MYB: variants seen among roughly 807,000 people sequenced by gnomAD.
MYB encodes MYB proto-oncogene, transcription factor.
A neutral mutation model predicts 92.9 loss-of-function variants in MYB; 28 were observed. The ratio of observed to expected loss-of-function variants is 0.30; its 90% confidence interval spans 0.22 to 0.41. The LOEUF is 0.41. Among genes scored for constraint, MYB ranks in the 10% least tolerant of loss-of-function variants. The pLI is 1.00. For synonymous variants in MYB, 295 were observed against 329.1 expected, an observed-to-expected ratio of 0.90 and a Z score of 1.12; for missense variants, 679 against 929.3, an observed-to-expected ratio of 0.73 and a Z score of 3.50.
chr6:135,191,341 T>G (rs1776601594), intron 5 of MYB, among the ~76,000 whole-genome samples: 1 of 152,200 alleles, frequency 6.6e-6, no homozygotes, highest in Non-Finnish European at 1.5e-5. Context: ...AAGCAATACT[T>G]TTAATGATAA....
chr6:135,196,764 GC>G (rs1474490032), intron 9 of MYB, 196 bp from the exon 10 acceptor site: 1 of 1,529,358 alleles, frequency 6.5e-7, no homozygotes, highest in Admixed American at 2.0e-5. Context: ...ACATCAGAGG[GC>G]CAGCCTTGAG....
chr6:135,187,505 C>T (rs1024416497), intron 2 of MYB, among the ~76,000 whole-genome samples: 1 of 152,074 alleles, frequency 6.6e-6, no homozygotes, highest in Non-Finnish European at 1.5e-5. Context: ...CCCAAATAAC[C>T]CTGTTAATAT....
intron 14 of MYB, 73 bp from the exon 15 acceptor site, chr6:135,203,144 C>G: frequency 9.1e-7 from 1 of 1,096,758 alleles, no homozygotes; most frequent in Non-Finnish European, 1.4e-6. Flanking sequence ...ATCTACTCTC[C>G]ACAGTGTTAG....
In MYB at chr6:135,190,495, A is replaced by T; in HGVS notation, c.527+148A>T. 1.4e-6 allele frequency: 1 copy of T among 690,864 alleles called. No individual in the cohort carries two copies. The highest frequency in any genetic ancestry group is 2.0e-5 in the South Asian group (1 of 51,138). 42.8% of individuals were successfully genotyped at this position (690,864 alleles called of 1,614,324 possible). On this transcript the variant is annotated intron_variant, in intron 5 of 15. Coordinates refer to ENST00000341911, the MANE Select transcript of MYB (RefSeq NM_001130173.2). The surrounding 1 kb of genome is among the most constrained non-coding windows in gnomAD (Gnocchi z 4.5). ...CCAGCTACATAGCTTTTAGAGATTG[A>T]AGACATCTTAGAGTTTATTTGGTTG... is the stretch of plus-strand genomic sequence containing the variant.
intron 3 of MYB, among the ~76,000 whole-genome samples, chr6:135,188,403 G>A (rs1046124514): frequency 6.6e-6 from 1 of 151,724 alleles, no homozygotes; most frequent in African/African-American, 2.4e-5. Context: ...TCTCATGGCT[G>A]TGCTGAAGGT....
Position 135,195,865 on chromosome 6 carries a change from T to C in MYB, c.1066T>C (p.Ser356Pro), listed in dbSNP as rs972074114. The change falls in exon 9 of 16, where the codon TCT (serine) becomes CCT (proline). Residue 356 changes from serine to proline, a missense_variant. Ser to Pro is a moderately conservative substitution (Grantham distance 74). Transcript: ENST00000341911. ...SCLGEHHSTP[S>P]LPADPGSLPE... is the part of the protein sequence containing the mutation. ...TTTGGGAGAACACCACTCCACTCCA[T>C]CTCTGCCAGCGGATCCTGGCTCCCT... 4 of 1,613,954 alleles carry C rather than the reference T, an allele frequency of 2.5e-6. No individual in the cohort carries two copies. Among genetic ancestry groups the C allele is most frequent in the Non-Finnish European group, 3.4e-6 (4 of 1,180,020 alleles).
intron 15 of MYB, among the ~76,000 whole-genome samples, chr6:135,215,959 T>G (rs1015067779): frequency 4.6e-5 from 7 of 152,204 alleles, no homozygotes; most frequent in Non-Finnish European, 1.0e-4. Flanking sequence ...CTTATTCTTT[T>G]GTCCCATGGA....
At chr6:135,206,529 T>G (rs962844626) in intron 15 of MYB, among the ~76,000 whole-genome samples, 1 of 151,040 alleles carries the variant, frequency 6.6e-6, no homozygotes, top group African/African-American at 2.4e-5. Flanking sequence ...AACTCTGTCT[T>G]TACTAAAAAT....
intron 14 of MYB, 74 bp from the exon 15 acceptor site, chr6:135,203,143 C>G: frequency 9.2e-7 from 1 of 1,083,438 alleles, no homozygotes; most frequent in South Asian, 1.3e-5. Flanking sequence ...AATCTACTCT[C>G]CACAGTGTTA....
intron 15 of MYB, among the ~76,000 whole-genome samples, chr6:135,212,138 C>A (rs542331053): frequency 1.1e-3 from 155 of 144,742 alleles, no homozygotes; most frequent in African/African-American, 3.7e-3. Context: ...TTATTTTTTA[C>A]TGTTTTATAT....
At chr6:135,202,964 T>G in intron 14 of MYB, 1 of 689,622 alleles carries the variant, frequency 1.5e-6, no homozygotes, top group Non-Finnish European at 2.7e-6. Context: ...TTTGAGTGCC[T>G]AACACATGCC....
chr6:135,203,637 C>T (rs1778453229), intron 15 of MYB: 1 of 1,109,560 alleles, frequency 9.0e-7, no homozygotes, highest in African/African-American at 1.6e-5. Context: ...CTTCTTCTGC[C>T]CTCAAATGTT....
chr6:135,193,828 T>G lies in MYB; in HGVS notation c.763-10T>G. 1 of 1,602,718 alleles carries G rather than the reference T, an allele frequency of 6.2e-7. No individual in the cohort carries two copies. The highest frequency in any genetic ancestry group is 8.5e-7 in the Non-Finnish European group (1 of 1,169,784). On this transcript the variant is annotated splice_polypyrimidine_tract_variant and intron_variant, in intron 6 of 15. Coordinates refer to ENST00000341911, the MANE Select transcript of MYB (RefSeq NM_001130173.2). ...AATGACGTGGCCTTTGTTTTGTCTT[T>G]TGCATCTAGGTCTCCAGTCATGTTC...
At chr6:135,191,994 T>C (rs941383256) in intron 5 of MYB, among the ~76,000 whole-genome samples, 6 of 152,194 alleles carry the variant, frequency 3.9e-5, no homozygotes, top group African/African-American at 1.4e-4. Context: ...AACTTTACAT[T>C]GTGTTGGAGT....
chr6:135,200,191 A>C lies in MYB; in HGVS notation c.1816A>C (p.Lys606Gln), dbSNP rs1777863231. The C allele has an allele frequency of 1.2e-6, 2 of 1,614,144 alleles. No individual in the cohort carries two copies. The highest frequency in any genetic ancestry group is 1.3e-5 in the African/African-American group (1 of 75,052). ...AAQEIKYGPLKMLPQTPSHLV... is the reference protein window; with the variant it reads ...AAQEIKYGPLQMLPQTPSHLV... The stretch of plus-strand genomic sequence containing the variant: ...TCAAGAAATTAAATACGGTCCCCTG[A>C]AGATGCTAGTAAGTTCTAGAAAAGT... The change falls in exon 12 of 16, where the codon AAG becomes CAG. Residue 606 changes from lysine (K) to glutamine (Q), a missense_variant. By Grantham distance (53) the Lys-to-Gln change is moderately conservative (BLOSUM62 1). Transcript: ENST00000341911.
At chr6:135,196,593 C>T (rs1583306156) in intron 9 of MYB, 3 of 482,446 alleles carry the variant, frequency 6.2e-6, no homozygotes, top group Non-Finnish European at 1.1e-5. Flanking sequence ...TATTCAGCAC[C>T]TCCTCAGCGA....
chr6:135,185,739 T>C, intron 1 of MYB, 164 bp from the exon 2 acceptor site: 1 of 659,428 alleles, frequency 1.5e-6, no homozygotes, highest in Non-Finnish European at 2.7e-6. Context: ...TTTACAATAC[T>C]AGAGCAACAG....
intron 15 of MYB, among the ~76,000 whole-genome samples, chr6:135,209,684 G>T (rs934478038): frequency 6.6e-6 from 1 of 152,094 alleles, no homozygotes; most frequent in Non-Finnish European, 1.5e-5. Flanking sequence ...AAAGGAATTT[G>T]CAACAGCTAC....
chr6:135,209,387 C>T (rs894206625), intron 15 of MYB, among the ~76,000 whole-genome samples: 1 of 152,200 alleles, frequency 6.6e-6, no homozygotes, highest in African/African-American at 2.4e-5. Flanking sequence ...GCACCCACCA[C>T]CACACTCAGC....
Sources: allele counts gnomAD v4.1 joint callset (sites outside exome capture counted in the v4.1 genomes callset), GRCh38; gene constraint gnomAD v4.1.1; non-coding constraint Gnocchi (gnomAD v3.1); transcripts MANE v1.5; gene names NCBI Gene and HGNC (gene_info 2026-07-23, HGNC 2026-07-21).